GZMA: variants seen among roughly 807,000 people sequenced by gnomAD.
GZMA encodes the protein granzyme A, also known as CTL tryptase.
Under a neutral mutation model 21.1 loss-of-function variants are expected in GZMA, and 17 were observed. That is an observed-to-expected ratio of 0.81 (90% CI 0.55 to 1.21). GZMA has a LOEUF of 1.21. GZMA is among the 50% of genes most tolerant of loss of function. The probability of loss-of-function intolerance (pLI) is 0.00; values close to 1 mark genes in which losing one functional copy is unlikely to be tolerated. For synonymous variants in GZMA, 90 were observed against 107.8 expected (o/e 0.83, Z 1.03); for missense variants, 306 against 315.9 (o/e 0.97, Z 0.24).
chr5:55,107,963 A>C (rs1209672999), intron 3 of GZMA, 28 bp downstream of exon 3: 1 of 1,604,142 alleles, frequency 6.2e-7, no homozygotes, highest in Admixed American at 1.7e-5. Flanking sequence ...TCTTCTCAAA[A>C]GTCATAGAAC....
intron 2 of GZMA, among the ~76,000 whole-genome samples, chr5:55,107,587 G>GTGA (rs369667804): frequency 6.6e-6 from 1 of 152,102 alleles, no homozygotes; most frequent in Admixed American, 6.6e-5. Context: ...AAATAAGCTG[G>GTGA]TGATGATGAT....
intron 4 of GZMA, among the ~76,000 whole-genome samples, 192 bp downstream of exon 4, chr5:55,108,586 GA>G (rs775344004): frequency 1.7e-4 from 26 of 152,256 alleles, no homozygotes; most frequent in Middle Eastern, 3.4e-3. Context: ...TCAAAAATAA[GA>G]AGTTCACTGC....
At position 55,108,210 on chromosome 5, in the gene GZMA, G is replaced by A; in HGVS notation, c.443G>A (p.Cys148Tyr). 6.2e-7 allele frequency: 1 copy of A among 1,613,324 alleles called. No individual in the cohort carries two copies. The highest frequency in any genetic ancestry group is 8.5e-7 in the Non-Finnish European group (1 of 1,179,356). The part of the protein sequence containing the change: ...KGDDVKPGTM[C>Y]QVAGWGRTHN... ...GACGATGTGAAACCAGGAACCATGT[G>A]CCAAGTTGCAGGGTGGGGCAGGACT... is the stretch of plus-strand genomic sequence containing the variant. The change falls in exon 4 of 5, where the codon TGC (cysteine) becomes TAC (tyrosine). Residue 148 changes from cysteine to tyrosine, a missense_variant. Coordinates refer to ENST00000274306, the MANE Select transcript of GZMA (RefSeq NM_006144.4).
chr5:55,102,742 A>G lies in GZMA; in HGVS notation c.60A>G (p.Leu20=). Residue 20 remains leucine (L), a synonymous_variant, in exon 1 of 5, where the codon CTA becomes CTG. Coordinates refer to ENST00000274306, the MANE Select transcript of GZMA (RefSeq NM_006144.4). ...TCTCAGTTGTCGTTTCTCTCCTGCT[A>G]ATTCCTGAAGGTAAGACTGATTCTT... The part of the protein sequence containing the change: ...SSLSVVVSLL[L]IPEDVCEKII... 1 of 1,599,160 alleles carries G rather than the reference A, an allele frequency of 6.3e-7. No individual in the cohort carries two copies. Among genetic ancestry groups the G allele is most frequent in the Non-Finnish European group, 8.6e-7 (1 of 1,166,394 alleles).
rs1318460875 is a variant in GZMA, at chr5:55,108,336, T to C, written c.569T>C (p.Val190Ala). Residue 190 changes from valine (V) to alanine (A), a missense_variant, in exon 4 of 5, where the codon GTG (valine) becomes GCG (alanine). Val to Ala is a moderately conservative substitution (Grantham distance 64). Transcript: ENST00000274306. ...NDRNHYNFNP[V>A]IGMNMVCAGS... ...CGAAATCACTATAATTTTAACCCTG[T>C]GATTGGAATGAATATGGTTTGTGCT... 1 of 1,613,492 alleles carries C rather than the reference T, an allele frequency of 6.2e-7. No homozygotes were observed. Among genetic ancestry groups the C allele is most frequent in the Non-Finnish European group, 8.5e-7 (1 of 1,179,470 alleles).
rs1235395941 is a variant in GZMA at position 55,110,083 on chromosome 5, T to C, written c.690T>C (p.Leu230=). The change falls in exon 5 of 5, where the codon CTT becomes CTC. Residue 230 remains leucine (L), a synonymous_variant. Coordinates refer to ENST00000274306, the MANE Select transcript of GZMA (RefSeq NM_006144.4). The stretch of plus-strand genomic sequence containing the variant: ...TCCGAGGGGTCACTTCCTTTGGCCT[T>C]GAAAATAAATGCGGAGACCCTCGTG... ...GVFRGVTSFG[L]ENKCGDPRGP... 1.9e-6 allele frequency: 3 copies of C among 1,612,750 alleles called. No individual in the cohort carries two copies. Among genetic ancestry groups the C allele is most frequent in the Non-Finnish European group, 1.7e-6 (2 of 1,179,350 alleles).
At chr5:55,106,065 TAAAATAAATAAAATA>T (rs1742387805) in intron 2 of GZMA, among the ~76,000 whole-genome samples, 1 of 7,604 alleles carries the variant, frequency 1.3e-4, no homozygotes, top group African/African-American at 6.2e-4. Flanking sequence ...TAAAATAAAA[TAAAATAAATAAAATA>T]AAATAAAATA....
At chr5:55,104,785 C>T (rs938057335) in intron 1 of GZMA, among the ~76,000 whole-genome samples, 4 of 152,166 alleles carry the variant, frequency 2.6e-5, no homozygotes, top group Non-Finnish European at 4.4e-5. Flanking sequence ...GGAAATGTCA[C>T]TTAGGCAGAA....
chr5:55,103,102 C>A (rs1742331635), intron 1 of GZMA, among the ~76,000 whole-genome samples: 1 of 151,860 alleles, frequency 6.6e-6, no homozygotes, highest in Admixed American at 6.6e-5. Context: ...ATAGCAGAAC[C>A]ACCAATGCTT....
chr5:55,107,962 A>C, intron 3 of GZMA, 27 bp downstream of exon 3: 1 of 1,603,912 alleles, frequency 6.2e-7, no homozygotes, highest in Non-Finnish European at 8.5e-7. Context: ...GTCTTCTCAA[A>C]AGTCATAGAA....
chr5:55,108,142 A>C lies in GZMA; in HGVS notation c.375A>C (p.Lys125Asn), dbSNP rs372514056. 1 of 1,604,656 alleles carries C rather than the reference A, an allele frequency of 6.2e-7. No homozygotes were observed. The highest frequency in any genetic ancestry group is 1.3e-5 in the African/African-American group (1 of 74,698). Residue 125 changes from lysine (K) to asparagine (N), a missense_variant, in exon 4 of 5, where the codon AAA becomes AAC. Coordinates refer to ENST00000274306, the MANE Select transcript of GZMA (RefSeq NM_006144.4). ...TCCAACAGCTGATGGAAAAAGCAAA[A>C]ATTAACAAATATGTGACTATCCTTC... ...LKLLQLMEKAKINKYVTILHL... is the reference protein window; with the variant it reads ...LKLLQLMEKANINKYVTILHL...
Position 55,105,531 on chromosome 5 carries a change from T to C in GZMA, c.128T>C (p.Met43Thr). The C allele has an allele frequency of 1.9e-6, 3 of 1,611,418 alleles. No individual in the cohort carries two copies. The highest frequency in any genetic ancestry group is 1.1e-5 in the South Asian group (1 of 91,016). The change falls in exon 2 of 5, where the codon ATG (methionine) becomes ACG (threonine). Residue 43 changes from methionine (M) to threonine (T), a missense_variant. Met to Thr is a moderately conservative substitution (Grantham distance 81). Coordinates refer to ENST00000274306, the MANE Select transcript of GZMA (RefSeq NM_006144.4). ...NEVTPHSRPYMVLLSLDRKTI... is the reference protein window; with the variant it reads ...NEVTPHSRPYTVLLSLDRKTI... ...GTAACTCCTCATTCAAGACCCTACA[T>C]GGTCCTACTTAGTCTTGACAGAAAA...
chr5:55,105,420 G>T, intron 1 of GZMA, 54 bp from the exon 2 acceptor site: 3 of 1,521,564 alleles, frequency 2.0e-6, no homozygotes, highest in African/African-American at 2.8e-5. Flanking sequence ...ATGACTTTGT[G>T]TAGAGCTCTT....
At chr5:55,106,316 AAT>A (rs1335975299) in intron 2 of GZMA, among the ~76,000 whole-genome samples, 3 of 133,794 alleles carry the variant, frequency 2.2e-5, no homozygotes, top group African/African-American at 1.0e-4. Context: ...AATAAAATAA[AAT>A]ATAAAATAAA....
chr5:55,103,676 T>C (rs1742339908), intron 1 of GZMA, among the ~76,000 whole-genome samples: 1 of 152,168 alleles, frequency 6.6e-6, no homozygotes, highest in South Asian at 2.1e-4. Context: ...ACTTATGTAA[T>C]AACCTGCCTT....
intron 1 of GZMA, among the ~76,000 whole-genome samples, chr5:55,104,901 A>C (rs1027079085): frequency 6.6e-6 from 1 of 152,184 alleles, no homozygotes; most frequent in Non-Finnish European, 1.5e-5. Flanking sequence ...GGTGCAATCG[A>C]TGTTATTTTC....
Position 55,107,907 on chromosome 5 carries a change from C to G in GZMA, c.329C>G (p.Thr110Arg). ...EFPYPCYDPA[T>R]REGDLKLLQL... is the part of the protein sequence containing the mutation. ...CCCTATCCATGCTATGACCCAGCCA[C>G]ACGCGAAGGTGACCTTAAACTTTTA... Residue 110 changes from threonine to arginine, a missense_variant, in exon 3 of 5, where the codon ACA (threonine) becomes AGA (arginine). Coordinates refer to ENST00000274306, the MANE Select transcript of GZMA (RefSeq NM_006144.4). 1 of 1,613,214 alleles carries G rather than the reference C, an allele frequency of 6.2e-7. No individual in the cohort carries two copies. The highest frequency in any genetic ancestry group is 8.5e-7 in the Non-Finnish European group (1 of 1,179,190).
chr5:55,103,648 C>A (rs758256967), intron 1 of GZMA, among the ~76,000 whole-genome samples: 8 of 152,144 alleles, frequency 5.3e-5, no homozygotes, highest in Non-Finnish European at 7.3e-5. Context: ...CAGGATTCAT[C>A]AGCTTTTGGA....
At position 55,108,302 on chromosome 5, in the gene GZMA, T is replaced by C; in HGVS notation, c.535T>C (p.Cys179Arg). The C allele has an allele frequency of 1.2e-6, 2 of 1,613,050 alleles. No homozygotes were observed. The highest frequency in any genetic ancestry group is 1.7e-6 in the Non-Finnish European group (2 of 1,179,034). Residue 179 changes from cysteine to arginine, a missense_variant, in exon 4 of 5, where the codon TGC becomes CGC. Physicochemically the swap from Cys to Arg is radical, Grantham distance 180 (BLOSUM62 -3). Transcript: ENST00000274306. ...TATCACCATCATAGACAGAAAAGTC[T>C]GCAATGATCGAAATCACTATAATTT... is the stretch of plus-strand genomic sequence containing the variant. ...VNITIIDRKV[C>R]NDRNHYNFNP... is the part of the protein sequence containing the mutation.
Sources: allele counts gnomAD v4.1 joint callset (sites outside exome capture counted in the v4.1 genomes callset), GRCh38; gene constraint gnomAD v4.1.1; transcripts MANE v1.5; gene names NCBI Gene and HGNC (gene_info 2026-07-23, HGNC 2026-07-21).